CNTN5: variants seen among roughly 807,000 people sequenced by gnomAD.
CNTN5 encodes contactin-5.
In CNTN5, 77 loss-of-function variants were observed where a neutral mutation model predicts 129.1. The observed-to-expected ratio is 0.60, with a 90% CI of 0.50 to 0.72. The LOEUF (loss-of-function observed/expected upper bound fraction) is 0.72, where lower values mean the gene tolerates loss of function less well. CNTN5 is among the 30% of genes least tolerant of loss of function. The probability of loss-of-function intolerance (pLI) is 0.00; values close to 1 mark genes in which losing one functional copy is unlikely to be tolerated. For missense variants in CNTN5, 1,478 were observed against 1,328.8 expected (o/e 1.11, Z -1.75); for synonymous variants, 509 against 465.6 (o/e 1.09, Z -1.20).
intron 8 of CNTN5, among the ~76,000 whole-genome samples, chr11:99,986,369 T>A (rs1417261209): frequency 6.6e-6 from 1 of 152,216 alleles, no homozygotes; most frequent in Non-Finnish European, 1.5e-5. Flanking sequence ...CGATTTTGCC[T>A]TAACTTTATA....
chr11:99,577,412 G>C (rs1949391182), intron 3 of CNTN5, among the ~76,000 whole-genome samples: 1 of 152,078 alleles, frequency 6.6e-6, no homozygotes, highest in Admixed American at 6.6e-5. Flanking sequence ...TTCTACCAAT[G>C]ATTAATCTTA....
At chr11:99,641,784 C>G (rs1247708836) in intron 3 of CNTN5, among the ~76,000 whole-genome samples, 2 of 152,134 alleles carry the variant, frequency 1.3e-5, no homozygotes, top group Non-Finnish European at 2.9e-5. Flanking sequence ...TAGCTTCCCT[C>G]CCTTTGCCTA....
intron 2 of CNTN5, among the ~76,000 whole-genome samples, chr11:99,385,856 C>A (rs1249030003): frequency 1.3e-5 from 2 of 152,086 alleles, no homozygotes; most frequent in African/African-American, 4.8e-5. Flanking sequence ...AATTGTACAT[C>A]CTACAAGATC....
intron 6 of CNTN5, among the ~76,000 whole-genome samples, chr11:99,913,343 A>G (rs1333183165): frequency 6.6e-6 from 1 of 152,024 alleles, no homozygotes; most frequent in Non-Finnish European, 1.5e-5. Context: ...TACATTGTAG[A>G]TAATAATGTT....
chr11:99,334,796 A>G (rs1866152436), intron 2 of CNTN5, among the ~76,000 whole-genome samples: 2 of 151,190 alleles, frequency 1.3e-5, no homozygotes, highest in South Asian at 4.2e-4. Flanking sequence ...TTTTAGATAT[A>G]TTGGGTTAAC....
At chr11:100,074,960 T>C (rs1944070490) in intron 13 of CNTN5, among the ~76,000 whole-genome samples, 1 of 152,130 alleles carries the variant, frequency 6.6e-6, no homozygotes, top group Non-Finnish European at 1.5e-5. Flanking sequence ...CTACTATTAT[T>C]GATATATTGG....
At chr11:99,151,684 A>C (rs900803191) in intron 1 of CNTN5, among the ~76,000 whole-genome samples, 16 of 152,330 alleles carry the variant, frequency 1.1e-4, no homozygotes, top group Non-Finnish European at 2.2e-4. Context: ...CTGGATAAAG[A>C]AAATGTGGCA....
chr11:99,041,977 C>A (rs962769298), intron 1 of CNTN5, among the ~76,000 whole-genome samples: 1 of 152,112 alleles, frequency 6.6e-6, no homozygotes, highest in Non-Finnish European at 1.5e-5. Context: ...ACATTACTTC[C>A]TCTCTCTTCT....
At chr11:99,640,536 T>G (rs1951733007) in intron 3 of CNTN5, among the ~76,000 whole-genome samples, 1 of 152,194 alleles carries the variant, frequency 6.6e-6, no homozygotes, top group East Asian at 1.9e-4. Context: ...GCTTGGGAAT[T>G]CTGGGAGATA....
intron 9 of CNTN5, among the ~76,000 whole-genome samples, chr11:100,036,777 A>G (rs967389962): frequency 1.4e-5 from 2 of 147,618 alleles, no homozygotes; most frequent in East Asian, 2.0e-4. Flanking sequence ...TTTGTCTGTT[A>G]TTGGTGTAGA....
chr11:99,409,446 C>T (rs7123306), intron 2 of CNTN5, among the ~76,000 whole-genome samples: 27,229 of 151,896 alleles, frequency 0.18, 2,536 homozygotes, highest in East Asian at 0.23. Context: ...CCAGCCTGGG[C>T]GACAACAGAG....
chr11:100,128,076 A>G (rs1946253409), intron 13 of CNTN5, among the ~76,000 whole-genome samples: 1 of 152,000 alleles, frequency 6.6e-6, no homozygotes, highest in Non-Finnish European at 1.5e-5. Flanking sequence ...TTATGCACCA[A>G]TTATTCAAAA....
chr11:99,276,897 T>C (rs900047280), intron 1 of CNTN5, among the ~76,000 whole-genome samples: 1 of 151,626 alleles, frequency 6.6e-6, no homozygotes, highest in Non-Finnish European at 1.5e-5. Flanking sequence ...AATCAAGATA[T>C]TTGCACATAA....
intron 1 of CNTN5, among the ~76,000 whole-genome samples, chr11:99,288,257 A>G (rs1294790884): frequency 1.3e-5 from 2 of 151,880 alleles, no homozygotes. Flanking sequence ...ATTAAAGCAT[A>G]TCTGGAGTTA....
At chr11:99,154,625 G>A (rs929670491) in intron 1 of CNTN5, among the ~76,000 whole-genome samples, 1 of 152,154 alleles carries the variant, frequency 6.6e-6, no homozygotes, top group African/African-American at 2.4e-5. Flanking sequence ...GTAGAAGGAA[G>A]GTGTGAGTAG....
intron 1 of CNTN5, among the ~76,000 whole-genome samples, chr11:99,218,027 A>G (rs1356011043): frequency 2.6e-5 from 4 of 152,136 alleles, no homozygotes; most frequent in African/African-American, 7.2e-5. Context: ...TCACAAAAAG[A>G]TTACATTTAT....
intron 3 of CNTN5, among the ~76,000 whole-genome samples, chr11:99,694,377 T>C (rs1270334909): frequency 6.6e-6 from 1 of 152,136 alleles, no homozygotes. Flanking sequence ...AGAGTGTGTG[T>C]AGTACACAAA....
In CNTN5 at chr11:99,474,705, T is replaced by C. The variant is rs531502119; in HGVS notation, c.-70-81440T>C. 3.3e-5 allele frequency among the ~76,000 whole-genome samples: 5 copies of C among 152,270 alleles called. No individual in the cohort carries two copies. In the South Asian group the frequency reaches 1.0e-3, roughly 32 times the overall value. ...AGGGACATATTTTTTATTCAATTTT[T>C]AATGTCACTATATTTTTTGAGCGTT... On this transcript the variant is annotated intron_variant, in intron 2 of 24. Coordinates refer to ENST00000524871, the MANE Select transcript of CNTN5 (RefSeq NM_014361.4).
intron 8 of CNTN5, among the ~76,000 whole-genome samples, chr11:99,987,832 G>A (rs11222209): frequency 0.37 from 56,635 of 151,754 alleles, 11,804 homozygotes; most frequent in African/African-American, 0.57. Flanking sequence ...ATTTGGAGGG[G>A]GTTACATAAT....
Sources: gnomAD v4.1 joint callset for allele counts (sites outside exome capture counted in the v4.1 genomes callset) on GRCh38, gnomAD v4.1.1 for gene constraint, MANE v1.5 for transcripts, NCBI Gene and HGNC (gene_info 2026-07-23, HGNC 2026-07-21) for gene names.